The following SLC26A3 variants were observed in gnomAD, a reference collection of about 807,000 sequenced individuals.
SLC26A3 encodes the protein chloride anion exchanger.
In SLC26A3, 64 loss-of-function variants were observed where a neutral mutation model predicts 85.6. That is an observed-to-expected ratio of 0.75 (90% CI 0.61 to 0.92). The LOEUF (loss-of-function observed/expected upper bound fraction) is 0.92. Among genes scored for constraint, SLC26A3 ranks in the 40% least tolerant of loss-of-function variants. SLC26A3 has a pLI of 0.00. For missense variants in SLC26A3, 922 were observed against 927.3 expected (o/e 0.99, Z 0.07); for synonymous variants, 349 against 336.0 (o/e 1.04, Z -0.42).
chr7:107,773,269 G>T (rs1281551752), intron 17 of SLC26A3, among the ~76,000 whole-genome samples: 1 of 152,176 alleles, frequency 6.6e-6, no homozygotes, highest in Non-Finnish European at 1.5e-5. Flanking sequence ...GACCTTTCCA[G>T]ATCTTCTCTG....
intron 16 of SLC26A3, among the ~76,000 whole-genome samples, chr7:107,774,469 G>C (rs569175767): frequency 2.6e-5 from 4 of 152,162 alleles, no homozygotes; most frequent in Non-Finnish European, 5.9e-5. Flanking sequence ...TGGGAGGGTC[G>C]CTTGAGTCTG....
intron 1 of SLC26A3, 125 bp downstream of exon 1, chr7:107,802,986 T>C (rs565960088): frequency 9.8e-5 from 15 of 152,400 alleles, no homozygotes; most frequent in African/African-American, 2.9e-4. Context: ...TCATTCAAAA[T>C]ATTCACACAC....
intron 3 of SLC26A3, among the ~76,000 whole-genome samples, chr7:107,793,034 A>G (rs1794428623): frequency 6.6e-6 from 1 of 152,240 alleles, no homozygotes; most frequent in Non-Finnish European, 1.5e-5. Context: ...GCAAACCACA[A>G]TGAGATACCA....
chr7:107,799,113 G>C lies in SLC26A3; in HGVS notation c.-89+3998C>G, dbSNP rs374637310. 6.6e-5 allele frequency among the ~76,000 whole-genome samples: 10 copies of C among 152,296 alleles called. No individual in the cohort carries two copies. In the East Asian group the frequency reaches 1.4e-3, roughly 21 times the overall value. On this transcript the variant is annotated intron_variant, in intron 1 of 20. Coordinates refer to ENST00000340010, the MANE Select transcript of SLC26A3 (RefSeq NM_000111.3). ...GGAGAGGGCTGGAGTGGTGAATGGA[G>C]GGGAGGGGTCTCAGCACTGAGGTTG... is the stretch of plus-strand genomic sequence containing the variant.
At chr7:107,775,757 T>A (rs915222625) in intron 15 of SLC26A3, among the ~76,000 whole-genome samples, 2 of 151,304 alleles carry the variant, frequency 1.3e-5, no homozygotes, top group African/African-American at 2.4e-5. Flanking sequence ...TATAGTTAGA[T>A]GGAAGTTTAC....
Position 107,802,520 on chromosome 7 carries a change from A to T in SLC26A3, c.-89+591T>A, listed in dbSNP as rs1030036923. Among the ~76,000 whole-genome samples the T allele has an allele frequency of 2.0e-5, 3 of 152,054 alleles. No individual in the cohort carries two copies. The East Asian group carries it at 5.8e-4, about 29-fold the overall frequency. ...CAGATAAATCTCTCACTTCTAGACCATATGTCCCCTACCCCCTCCCTTTTT... is the reference window on the plus strand; with the variant it reads ...CAGATAAATCTCTCACTTCTAGACCTTATGTCCCCTACCCCCTCCCTTTTT... On this transcript the variant is annotated intron_variant, in intron 1 of 20. Transcript: ENST00000340010.
chr7:107,773,820 G>A, intron 17 of SLC26A3, 100 bp downstream of exon 17: 1 of 1,008,612 alleles, frequency 9.9e-7, no homozygotes. Context: ...CAAAGTGCTG[G>A]GATTACAGGC....
chr7:107,772,233 G>A, intron 17 of SLC26A3, 125 bp from the exon 18 acceptor site: 2 of 677,956 alleles, frequency 3.0e-6, no homozygotes, highest in South Asian at 3.3e-5. Flanking sequence ...ATTTTGAAAA[G>A]AGATAATAGT....
chr7:107,798,415 G>C (rs1794546391), intron 1 of SLC26A3, among the ~76,000 whole-genome samples: 1 of 152,094 alleles, frequency 6.6e-6, no homozygotes, highest in Admixed American at 6.5e-5. Flanking sequence ...CTGGCCTCCA[G>C]TTACGAGAAC....
intron 18 of SLC26A3, among the ~76,000 whole-genome samples, chr7:107,768,148 A>G (rs1793946728): frequency 6.6e-6 from 1 of 152,234 alleles, no homozygotes; most frequent in South Asian, 2.1e-4. Flanking sequence ...AGGAAGGCAA[A>G]GGAGCAAATG....
rs754326975 is a variant in SLC26A3, at chr7:107,783,162, T to C, written c.1119+43A>G. ...TTGATATTATGTGTGCAAAATATTA[T>C]TTAAAGTTGCCCAGTGAGACCCAGT... On this transcript the variant is annotated intron_variant, in intron 9 of 20. Transcript: ENST00000340010. 5.6e-6 allele frequency: 9 copies of C among 1,613,864 alleles called. No individual in the cohort carries two copies. The African/African-American group carries it at 6.7e-5, about 12-fold the overall frequency.
chr7:107,791,779 T>C (rs950576272), intron 4 of SLC26A3, 51 bp downstream of exon 4: 16 of 1,194,334 alleles, frequency 1.3e-5, no homozygotes, highest in Non-Finnish European at 1.9e-5. Context: ...GCTAATAAAA[T>C]TCATAAGGAA....
chr7:107,774,747 A>C, intron 16 of SLC26A3, 30 bp downstream of exon 16: 5 of 1,469,230 alleles, frequency 3.4e-6, no homozygotes, highest in Non-Finnish European at 2.9e-6. Context: ...TTTTAGCTAT[A>C]ATGCATAGAA....
At chr7:107,784,653 A>G (rs1048973897) in intron 8 of SLC26A3, among the ~76,000 whole-genome samples, 20 of 152,128 alleles carry the variant, frequency 1.3e-4, no homozygotes, top group African/African-American at 4.8e-4. Context: ...GATGGTCTCG[A>G]ACTCCTGACC....
intron 17 of SLC26A3, among the ~76,000 whole-genome samples, chr7:107,773,454 T>A (rs1794058423): frequency 6.6e-6 from 1 of 152,142 alleles, no homozygotes; most frequent in African/African-American, 2.4e-5. Context: ...CTTTCAAGAG[T>A]CCACTGAACA....
chr7:107,774,807 C>T lies in SLC26A3; in HGVS notation c.1743G>A (p.Leu581=). ...RNKALRKIRK[L]QKQGLLQVTP... The stretch of plus-strand genomic sequence containing the variant: ...TCACTTGTAGCAAGCCTTGCTTCTG[C>T]AGTTTTCGGATTTTCCTCAAAGCTT... The change falls in exon 16 of 21, where the codon CTG becomes CTA. Residue 581 remains leucine (L), a synonymous_variant. Coordinates refer to ENST00000340010, the MANE Select transcript of SLC26A3 (RefSeq NM_000111.3). 1.2e-6 allele frequency: 2 copies of T among 1,614,092 alleles called. No individual in the cohort carries two copies. The highest frequency in any genetic ancestry group is 1.7e-6 in the Non-Finnish European group (2 of 1,179,964).
intron 18 of SLC26A3, among the ~76,000 whole-genome samples, chr7:107,770,177 T>TGAGACAGGGTCTTGC (rs1794000327): frequency 7.7e-5 from 1 of 12,930 alleles, no homozygotes; most frequent in African/African-American, 4.7e-4. Flanking sequence ...TTTTTTTTTT[T>TGAGACAGGGTCTTGC]TTTTAAAAAA....
At chr7:107,774,292 C>A in intron 16 of SLC26A3, 139 bp from the exon 17 acceptor site, 1 of 741,422 alleles carries the variant, frequency 1.3e-6, no homozygotes, top group South Asian at 1.5e-5. Context: ...TGGCTCATGC[C>A]TGTCATCCCA....
In SLC26A3 at chr7:107,776,575, G is replaced by T. The variant is rs1794119727; in HGVS notation, c.1585-31C>A. The T allele has an allele frequency of 2.5e-6, 4 of 1,606,626 alleles. No homozygotes were observed. In the Admixed American group the frequency reaches 6.7e-5, roughly 27 times the overall value. The stretch of plus-strand genomic sequence containing the variant: ...AGGCAGAGAAGCATTGTTAGGTGTT[G>T]CCCATTAGATCCATAGTTAATATCA... On this transcript the variant is annotated intron_variant, in intron 14 of 20. Coordinates refer to ENST00000340010, the MANE Select transcript of SLC26A3 (RefSeq NM_000111.3).
Sources: gnomAD v4.1 joint callset for allele counts (sites outside exome capture counted in the v4.1 genomes callset) on GRCh38, gnomAD v4.1.1 for gene constraint, MANE v1.5 for transcripts, NCBI Gene and HGNC (gene_info 2026-07-23, HGNC 2026-07-21) for gene names.